CHDH: variants seen among roughly 807,000 people sequenced by gnomAD.
The protein encoded by CHDH is choline dehydrogenase, mitochondrial.
CHDH carries 43 observed loss-of-function variants against 56.9 expected under a neutral mutation model. The ratio of observed to expected loss-of-function variants is 0.76; its 90% CI spans 0.59 to 0.97. CHDH has a LOEUF of 0.97. Ranked by LOEUF, CHDH falls within the 50% of genes least tolerant of loss-of-function variation. The pLI is 0.00. For synonymous variants in CHDH, 364 were observed against 348.5 expected (o/e 1.04, Z -0.50); for missense variants, 816 against 821.1 (o/e 0.99, Z 0.08).
intron 1 of CHDH, among the ~76,000 whole-genome samples, chr3:53,843,986 T>C (rs1463278911): frequency 2.0e-5 from 3 of 152,228 alleles, no homozygotes; most frequent in African/African-American, 7.2e-5. Flanking sequence ...ACTTGAGGCA[T>C]GGCCTTCTGA....
In CHDH at chr3:53,816,097, G is replaced by A. The variant is rs192124229; in HGVS notation, c.*1680C>T. 1.3e-5 allele frequency: 2 copies of A among 150,086 alleles called. No homozygotes were observed. The highest frequency in any genetic ancestry group is 2.9e-5 in the Non-Finnish European group (2 of 67,962). 9.3% of individuals were successfully genotyped at this position (150,086 alleles called of 1,614,324 possible). A position where few individuals can be genotyped will look rare whatever the true frequency, so the allele number is the denominator to read the frequency against. On this transcript the variant is annotated 3_prime_UTR_variant, in exon 9 of 9. Coordinates refer to ENST00000315251, the MANE Select transcript of CHDH (RefSeq NM_018397.5). ...GTTTCTTCCTGCTGCCTCTCTCGAA[G>A]GTTTTTCTCAGAAAACTAACTTGTG...
intron 2 of CHDH, among the ~76,000 whole-genome samples, chr3:53,826,117 T>C (rs2095638655): frequency 6.6e-6 from 1 of 152,056 alleles, no homozygotes; most frequent in Admixed American, 6.5e-5. Flanking sequence ...TTAAAGAAAT[T>C]GAATCAATAA....
At chr3:53,822,394 T>C in intron 4 of CHDH, 97 bp downstream of exon 4, 8 of 1,179,766 alleles carry the variant, frequency 6.8e-6, no homozygotes, top group Non-Finnish European at 9.7e-6. Flanking sequence ...AGCACGTGGG[T>C]CTGGGGGTGA....
At position 53,819,396 on chromosome 3, in the gene CHDH, C is replaced by G. The variant is rs1195082290; in HGVS notation, c.1263+136G>C. On this transcript the variant is annotated intron_variant, in intron 7 of 8. Transcript: ENST00000315251. This position sits in a 1 kb window ranked among gnomAD's most constrained non-coding sequence, Gnocchi z 5.4. ...ACTGACACGCTGGGCAGCTGGAAGG[C>G]AGGGGACAGGCCTCTGTGTCCCCCA... 2.6e-6 allele frequency: 3 copies of G among 1,172,220 alleles called. No homozygotes were observed. The highest frequency in any genetic ancestry group is 3.6e-6 in the Non-Finnish European group (3 of 827,364). 72.6% of individuals were successfully genotyped at this position (1,172,220 alleles called of 1,614,324 possible).
rs1281915144 is a variant in CHDH, at chr3:53,834,686, G to A, written c.-60+6243C>T. On this transcript the variant is annotated intron_variant, in intron 2 of 8. Coordinates refer to ENST00000315251, the MANE Select transcript of CHDH (RefSeq NM_018397.5). ...TTGCAACATGTCTGCCTGCAGAGTCGCACAGCTAGAGTACTGAGGAAGCTT... is the reference window on the plus strand; with the variant it reads ...TTGCAACATGTCTGCCTGCAGAGTCACACAGCTAGAGTACTGAGGAAGCTT... 2.6e-5 allele frequency among the ~76,000 whole-genome samples: 4 copies of A among 152,202 alleles called. 1 individual carries two copies. Among genetic ancestry groups the A allele is most frequent in the South Asian group, 2.1e-4 (1 of 4,828 alleles).
intron 1 of CHDH, among the ~76,000 whole-genome samples, chr3:53,845,804 G>C (rs541428019): frequency 3.9e-5 from 6 of 152,346 alleles, no homozygotes; most frequent in Non-Finnish European, 7.3e-5. Flanking sequence ...AACTCACTTG[G>C]TGGAAACAGA....
At chr3:53,836,916 T>C (rs1698514122) in intron 2 of CHDH, among the ~76,000 whole-genome samples, 1 of 152,256 alleles carries the variant, frequency 6.6e-6, no homozygotes, top group Non-Finnish European at 1.5e-5. Context: ...TTAAAATGTT[T>C]AAAACAATTT....
Position 53,819,596 on chromosome 3 carries a change from A to T in CHDH, c.1199T>A (p.Phe400Tyr). 6.2e-7 allele frequency: 1 copy of T among 1,611,946 alleles called. No individual in the cohort carries two copies. Among genetic ancestry groups the T allele is most frequent in the Non-Finnish European group, 8.5e-7 (1 of 1,178,938 alleles). Residue 400 changes from phenylalanine (F) to tyrosine (Y), a missense_variant, in exon 7 of 9, where the codon TTC becomes TAC. Physicochemically the swap from Phe to Tyr is conservative, Grantham distance 22. Transcript: ENST00000315251. The surrounding 1 kb of genome is among the most constrained non-coding windows in gnomAD (Gnocchi z 5.4). ...AATCACTTGGGATGGCAGGAAATGG[A>T]ACTGGATGTCCGGGTGGGGGACCCC... ...QPGVPHPDIQ[F>Y]HFLPSQVIDH...
Position 53,846,357 on chromosome 3 carries a change from G to T in CHDH, c.-405C>A, listed in dbSNP as rs1698887960. On this transcript the variant is annotated 5_prime_UTR_variant, in exon 1 of 9. Transcript: ENST00000315251. ...GTGTGCGCGGGGGTAGGCGCGCGCC[G>T]CGGCGGCCCGTGCTCCGCCAGCGCT... 2.6e-5 allele frequency: 12 copies of T among 458,972 alleles called. No homozygotes were observed. The South Asian group carries it at 4.9e-4, about 19-fold the overall frequency. The allele number at this position is 458,972 out of a possible 1,614,324, so 28.4% of individuals were successfully genotyped here. A position where few individuals can be genotyped will look rare whatever the true frequency, so the allele number is the denominator to read the frequency against.
chr3:53,818,286 G>A (rs2095619518), intron 8 of CHDH, 91 bp from the exon 9 acceptor site: 4 of 1,182,956 alleles, frequency 3.4e-6, no homozygotes, highest in Non-Finnish European at 4.6e-6. Context: ...TCTGTAAGCT[G>A]TCTGAGGGGA....
rs757045949 is a variant in CHDH at position 53,817,872 on chromosome 3, C to T, written c.1690G>A (p.Ala564Thr). Residue 564 changes from alanine to threonine, a missense_variant, in exon 9 of 9, where the codon GCA (alanine) becomes ACA (threonine). By Grantham distance (58) the Ala-to-Thr change is moderately conservative. Transcript: ENST00000315251. ...TTGATAATGTCAGCTGCCTTCTCTGCGATCATGATTGTGGGGGCGTTCAGG... is the reference window on the plus strand; with the variant it reads ...TTGATAATGTCAGCTGCCTTCTCTGTGATCATGATTGTGGGGGCGTTCAGG... ...GNLNAPTIMI[A>T]EKAADIIKGQ... 1.1e-5 allele frequency: 18 copies of T among 1,614,188 alleles called. No homozygotes were observed. Among genetic ancestry groups the T allele is most frequent in the South Asian group, 5.5e-5 (5 of 91,090 alleles).
At position 53,823,770 on chromosome 3, in the gene CHDH, C is replaced by A. The variant is rs757460940; in HGVS notation, c.239G>T (p.Gly80Val). The A allele has an allele frequency of 6.4e-7, 1 of 1,563,846 alleles. No individual in the cohort carries two copies. The highest frequency in any genetic ancestry group is 2.4e-5 in the East Asian group (1 of 41,744). Residue 80 changes from glycine (G) to valine (V), a missense_variant, in exon 3 of 9, where the codon GGG becomes GTG. Gly to Val is a moderately radical substitution (Grantham distance 109, BLOSUM62 -3). Transcript: ENST00000315251. ...LEAGPKDVLA[G>V]SKRLSWKIHM... ...GATCTTCCACGAGAGCCGCTTGCTC[C>A]CCGCGAGCACGTCCTTGGGCCCGGC...
At chr3:53,832,222 A>G (rs1157330933) in intron 2 of CHDH, among the ~76,000 whole-genome samples, 1 of 152,206 alleles carries the variant, frequency 6.6e-6, no homozygotes, top group Non-Finnish European at 1.5e-5. Context: ...GGTGGCAACA[A>G]CTCAAATGTC....
intron 2 of CHDH, among the ~76,000 whole-genome samples, chr3:53,827,929 C>A (rs556061850): frequency 2.3e-4 from 35 of 151,988 alleles, no homozygotes; most frequent in Non-Finnish European, 4.3e-4. Context: ...GAATGGCCAA[C>A]AAAATACTGA....
intron 2 of CHDH, among the ~76,000 whole-genome samples, chr3:53,831,522 C>T (rs534620859): frequency 6.6e-6 from 1 of 152,356 alleles, no homozygotes; most frequent in Admixed American, 6.5e-5. Flanking sequence ...CACAGGGGTG[C>T]TTGTGTCACC....
intron 3 of CHDH, 32 bp from the exon 4 acceptor site, chr3:53,822,674 C>G (rs1398882277): frequency 1.3e-6 from 2 of 1,591,184 alleles, no homozygotes; most frequent in Non-Finnish European, 1.7e-6. Context: ...TCAGGCATGG[C>G]TCCGCCCTCC....
chr3:53,819,556 G>C lies in CHDH; in HGVS notation c.1239C>G (p.Val413=). ...LPSQVIDHGR[V]PTQQEAYQVH... Reference sequence around the variant, plus strand: ...CCTGGTAAGCCTCCTGCTGGGTGGGGACCCGCCCGTGGTCAATCACTTGGG... The same window carrying C: ...CCTGGTAAGCCTCCTGCTGGGTGGGCACCCGCCCGTGGTCAATCACTTGGG... Residue 413 remains valine, a synonymous_variant, in exon 7 of 9, where the codon GTC becomes GTG. Transcript: ENST00000315251. This position sits in a 1 kb window ranked among gnomAD's most constrained non-coding sequence, Gnocchi z 5.4. 4 of 1,612,216 alleles carry C rather than the reference G, an allele frequency of 2.5e-6. No homozygotes were observed. The highest frequency in any genetic ancestry group is 3.4e-6 in the Non-Finnish European group (4 of 1,178,940).
At chr3:53,818,880 G>A in intron 8 of CHDH, 58 bp downstream of exon 8, 1 of 1,055,230 alleles carries the variant, frequency 9.5e-7, no homozygotes, top group Non-Finnish European at 1.5e-6. Flanking sequence ...GGATAAACAG[G>A]AACCCCACAA....
chr3:53,834,988 A>G (rs575955749), intron 2 of CHDH, among the ~76,000 whole-genome samples: 8 of 152,232 alleles, frequency 5.3e-5, no homozygotes, highest in Non-Finnish European at 1.0e-4. Flanking sequence ...GACAAGGCCA[A>G]TGATAAATAA....
Sources: gnomAD v4.1 joint callset for allele counts (sites outside exome capture counted in the v4.1 genomes callset) on GRCh38, gnomAD v4.1.1 for gene constraint, Gnocchi (gnomAD v3.1) non-coding constraint, MANE v1.5 for transcripts, NCBI Gene and HGNC (gene_info 2026-07-23, HGNC 2026-07-21) for gene names.